The following LRRC74A variants were observed in gnomAD, a reference collection of about 807,000 sequenced individuals.
The protein encoded by LRRC74A is leucine rich repeat containing 74A.
A neutral mutation model predicts 57.9 loss-of-function variants in LRRC74A; 44 were observed. The ratio of observed to expected loss-of-function variants is 0.76; its 90% CI spans 0.60 to 0.98. The LOEUF (loss-of-function observed/expected upper bound fraction) is 0.98. Ranked by LOEUF, LRRC74A falls within the 50% of genes least tolerant of loss-of-function variation. The pLI, the probability that LRRC74A is intolerant of heterozygous loss-of-function variation, is 0.00. For missense variants in LRRC74A, 572 were observed against 574.0 expected, an observed-to-expected ratio of 1.00 and a Z score of 0.04; for synonymous variants, 211 against 219.4, an observed-to-expected ratio of 0.96 and a Z score of 0.34.
intron 11 of LRRC74A, among the ~76,000 whole-genome samples, chr14:76,865,008 T>C (rs1482880073): frequency 6.6e-6 from 1 of 152,230 alleles, no homozygotes; most frequent in Non-Finnish European, 1.5e-5. Context: ...GACAGATTGA[T>C]GTCAGATAGA....
chr14:76,869,886 C>T (rs528544460), intron 13 of LRRC74A, among the ~76,000 whole-genome samples: 2 of 152,284 alleles, frequency 1.3e-5, no homozygotes, highest in South Asian at 2.1e-4. Context: ...CTCTTGCAAA[C>T]GATCTTAGGT....
At chr14:76,862,527 ACT>A (rs1898395965) in intron 11 of LRRC74A, among the ~76,000 whole-genome samples, 1 of 80,588 alleles carries the variant, frequency 1.2e-5, no homozygotes, top group African/African-American at 3.7e-5. Flanking sequence ...ACAGAGCGAG[ACT>A]CTGTCTCAAA....
At position 76,861,349 on chromosome 14, in the gene LRRC74A, G is replaced by A. The variant is rs1207645274; in HGVS notation, c.1200+510G>A. On this transcript the variant is annotated intron_variant, in intron 11 of 13. Coordinates refer to ENST00000689127, the MANE Select transcript of LRRC74A (RefSeq NM_001385106.1). ...GATATCAAGACATCCCTGCGGTCAG[G>A]ATGGCTATTTGGCAGCTCCAGCCAA... Among the ~76,000 whole-genome samples, 5 of 152,342 alleles carry A rather than the reference G, an allele frequency of 3.3e-5. No individual in the cohort carries two copies. In the East Asian group the frequency reaches 5.8e-4, roughly 18 times the overall value.
intron 9 of LRRC74A, among the ~76,000 whole-genome samples, chr14:76,855,951 C>T (rs867731851): frequency 2.0e-5 from 3 of 152,224 alleles, no homozygotes; most frequent in South Asian, 4.1e-4. Context: ...GGAATTAATG[C>T]AAGGCCAGGC....
At chr14:76,842,280 G>T (rs1896825249) in intron 5 of LRRC74A, among the ~76,000 whole-genome samples, 1 of 152,094 alleles carries the variant, frequency 6.6e-6, no homozygotes, top group African/African-American at 2.4e-5. Context: ...TTAGATAGGT[G>T]ATTATACCTG....
Position 76,853,362 on chromosome 14 carries a change from C to G in LRRC74A, c.909C>G (p.Ser303=). 6.2e-7 allele frequency: 1 copy of G among 1,612,702 alleles called. No homozygotes were observed. Among genetic ancestry groups the G allele is most frequent in the Non-Finnish European group, 8.5e-7 (1 of 1,179,654 alleles). ...GGNDIGNEGA[S]KISKGLESNE... ...ATGACATCGGCAATGAAGGGGCCTC[C>G]AAAATCAGCAAAGGACTGGAATCCA... Residue 303 remains serine (S), a synonymous_variant, in exon 9 of 14, where the codon TCC becomes TCG. Transcript: ENST00000689127.
At chr14:76,859,498 C>T (rs1427630920) in intron 10 of LRRC74A, among the ~76,000 whole-genome samples, 4 of 142,926 alleles carry the variant, frequency 2.8e-5, no homozygotes, top group East Asian at 2.1e-4. Context: ...TGCACCATTG[C>T]ACTTCAGCCT....
chr14:76,851,138 C>T (rs1016720661), intron 7 of LRRC74A, among the ~76,000 whole-genome samples: 3 of 152,364 alleles, frequency 2.0e-5, no homozygotes, highest in African/African-American at 7.2e-5. Flanking sequence ...CTCGCCAAGC[C>T]TGGTGCCTCC....
chr14:76,854,791 T>A (rs1052187524), intron 9 of LRRC74A, among the ~76,000 whole-genome samples: 1 of 152,188 alleles, frequency 6.6e-6, no homozygotes, highest in Non-Finnish European at 1.5e-5. Flanking sequence ...ATAGATGCTA[T>A]TGAGCAGTTG....
intron 3 of LRRC74A, among the ~76,000 whole-genome samples, chr14:76,833,580 T>A (rs975515680): frequency 1.3e-5 from 2 of 151,626 alleles, no homozygotes; most frequent in African/African-American, 2.4e-5. Flanking sequence ...TAGCTGGGAT[T>A]ACAGGTGCGC....
At chr14:76,866,107 TGTGA>T in intron 12 of LRRC74A, 32 bp downstream of exon 12, 1 of 1,371,726 alleles carries the variant, frequency 7.3e-7, no homozygotes, top group Non-Finnish European at 1.0e-6. Flanking sequence ...ACAGGCTGTG[TGTGA>T]GTGTGAGTGT....
At chr14:76,848,878 C>T (rs970606228) in intron 7 of LRRC74A, among the ~76,000 whole-genome samples, 8 of 152,052 alleles carry the variant, frequency 5.3e-5, no homozygotes, top group East Asian at 1.9e-4. Flanking sequence ...GAAAAATGGA[C>T]GAGGAAAGGG....
chr14:76,829,365 C>T (rs1895812653), intron 2 of LRRC74A, among the ~76,000 whole-genome samples: 1 of 152,178 alleles, frequency 6.6e-6, no homozygotes, highest in African/African-American at 2.4e-5. Context: ...ACATCTTCAC[C>T]CTTCTACGCA....
At chr14:76,855,913 C>G (rs1038779618) in intron 9 of LRRC74A, among the ~76,000 whole-genome samples, 1 of 152,180 alleles carries the variant, frequency 6.6e-6, no homozygotes, top group Non-Finnish European at 1.5e-5. Flanking sequence ...CTCAGAGCAG[C>G]CATAGGTGAT....
chr14:76,850,728 C>T (rs1031043834), intron 7 of LRRC74A, among the ~76,000 whole-genome samples: 11 of 151,432 alleles, frequency 7.3e-5, no homozygotes, highest in Admixed American at 2.6e-4. Context: ...ATTAGCTGGG[C>T]GTGGTGGCAG....
intron 7 of LRRC74A, among the ~76,000 whole-genome samples, chr14:76,851,244 G>A (rs543866186): frequency 2.2e-4 from 34 of 152,364 alleles, no homozygotes; most frequent in East Asian, 1.5e-3. Context: ...ATCATGTGAC[G>A]TAATATGCCA....
Position 76,828,302 on chromosome 14 carries a change from A to G in LRRC74A, c.49A>G (p.Ile17Val). The G allele has an allele frequency of 6.3e-7, 1 of 1,595,674 alleles. No homozygotes were observed. ...GTTTTTTCTTCCAGATGAGATTGAA[A>G]TTGAGCCAGTACGACAGAGCAGCGA... ...LQPETEDEIEIEPVRQSSDKM... is the reference protein window; with the variant it reads ...LQPETEDEIEVEPVRQSSDKM... Residue 17 changes from isoleucine to valine, a missense_variant, in exon 2 of 14, where the codon ATT (isoleucine) becomes GTT (valine). Transcript: ENST00000689127.
At chr14:76,851,727 G>A (rs542651506) in intron 7 of LRRC74A, among the ~76,000 whole-genome samples, 102 of 147,436 alleles carry the variant, frequency 6.9e-4, no homozygotes, top group Middle Eastern at 3.8e-3. Context: ...GTGCAGTGGC[G>A]TGATCTCCAC....
In LRRC74A at chr14:76,866,102, C is replaced by A. The variant is rs72721328; in HGVS notation, c.1308+27C>A. 2,529 of 1,444,754 alleles carry A rather than the reference C, an allele frequency of 1.8e-3. 7 individuals carry two copies. Among genetic ancestry groups the A allele is most frequent in the Non-Finnish European group, 2.2e-3 (2,307 of 1,042,070 alleles). 89.5% of individuals were successfully genotyped at this position (1,444,754 alleles called of 1,614,324 possible). ...TGTGCTGGGTCCTAGTGGCAACAGG[C>A]TGTGTGTGAGTGTGAGTGTGAGTTT... On this transcript the variant is annotated intron_variant, in intron 12 of 13. Transcript: ENST00000689127.
Sources: allele counts gnomAD v4.1 joint callset (sites outside exome capture counted in the v4.1 genomes callset), GRCh38; gene constraint gnomAD v4.1.1; transcripts MANE v1.5; gene names NCBI Gene and HGNC (gene_info 2026-07-23, HGNC 2026-07-21).